Variants in KCNG3 observed in about 807,000 individuals in gnomAD.
The protein encoded by KCNG3 is voltage-gated potassium channel regulatory subunit KCNG3.
A neutral mutation model predicts 29.0 loss-of-function variants in KCNG3; 15 were observed. The observed-to-expected ratio is 0.52, with a 90% CI of 0.35 to 0.80. The LOEUF (loss-of-function observed/expected upper bound fraction) is 0.80, where lower values mean the gene tolerates loss of function less well. KCNG3 is among the 30% of genes least tolerant of loss of function. The pLI is 0.01. For synonymous variants in KCNG3, 322 were observed against 248.9 expected (o/e 1.29, Z -2.76); for missense variants, 512 against 605.7 (o/e 0.85, Z 1.62).
At chr2:42,408,287 T>G in the KCNG3 span, among the ~76,000 whole-genome samples, 1 of 152,258 alleles carries the variant, frequency 6.6e-6, no homozygotes. Flanking sequence ...ACATAGGGCC[T>G]GAAGGCTAGG....
intron 1 of KCNG3, among the ~76,000 whole-genome samples, chr2:42,451,804 G>A (rs1672761369): frequency 6.6e-6 from 1 of 151,914 alleles, no homozygotes; most frequent in African/African-American, 2.4e-5. Flanking sequence ...GGAAGCTGAG[G>A]TGGGAGGATC....
chr2:42,397,696 A>G, the KCNG3 span, among the ~76,000 whole-genome samples: 2 of 152,208 alleles, frequency 1.3e-5, no homozygotes, highest in Admixed American at 1.3e-4. Context: ...GCTTTGAAGA[A>G]TGGGACTGGG....
At chr2:42,408,731 G>C in the KCNG3 span, among the ~76,000 whole-genome samples, 1 of 152,148 alleles carries the variant, frequency 6.6e-6, no homozygotes, top group Non-Finnish European at 1.5e-5. Context: ...TGCAGCACAA[G>C]AACTCGGGAC....
chr2:42,414,065 T>C, the KCNG3 span, among the ~76,000 whole-genome samples: 1 of 152,242 alleles, frequency 6.6e-6, no homozygotes, highest in Non-Finnish European at 1.5e-5. Context: ...AATGTAATTA[T>C]CAGCTTGCCT....
chr2:42,452,133 G>C (rs2103674155), intron 1 of KCNG3, among the ~76,000 whole-genome samples: 1 of 150,246 alleles, frequency 6.7e-6, no homozygotes, highest in African/African-American at 2.4e-5. Context: ...TGGGTACGTA[G>C]TAGGTGTATA....
intron 1 of KCNG3, among the ~76,000 whole-genome samples, chr2:42,460,512 G>A (rs1410509185): frequency 6.6e-6 from 1 of 152,088 alleles, no homozygotes; most frequent in Non-Finnish European, 1.5e-5. Context: ...ATAGAATGTA[G>A]AAAGTAATAA....
chr2:42,393,208 T>A, the KCNG3 span, among the ~76,000 whole-genome samples: 1 of 151,724 alleles, frequency 6.6e-6, no homozygotes, highest in Non-Finnish European at 1.5e-5. Flanking sequence ...TAAGTGATTA[T>A]TATGATAAAA....
At chr2:42,440,438 T>C (rs1019198580), downstream of KCNG3, 3 of 151,852 alleles carry the variant, frequency 2.0e-5, no homozygotes, top group Non-Finnish European at 2.9e-5. Flanking sequence ...CCTGAGGCTT[T>C]AATATTTCAA....
rs572191957 is a variant in KCNG3 at position 42,443,678 on chromosome 2, G to T, written c.*256C>A. On this transcript the variant is annotated 3_prime_UTR_variant, in exon 2 of 2. Coordinates refer to ENST00000306078, the MANE Select transcript of KCNG3 (RefSeq NM_133329.6). ...TTTTTAAAAATGTGTAATCATTCAA[G>T]GAAACGGGAAAACAAGTCTAAATAA... 2.8e-6 allele frequency: 1 copy of T among 359,624 alleles called. No individual in the cohort carries two copies. The highest frequency in any genetic ancestry group is 4.2e-5 in the East Asian group (1 of 24,038). 22.3% of individuals were successfully genotyped at this position (359,624 alleles called of 1,614,324 possible).
At chr2:42,391,039 G>C in the KCNG3 span, among the ~76,000 whole-genome samples, 2 of 152,176 alleles carry the variant, frequency 1.3e-5, no homozygotes, top group African/African-American at 4.8e-5. Flanking sequence ...GGAATCTTCA[G>C]GAAGGACTCT....
At chr2:42,399,910 C>T in the KCNG3 span, among the ~76,000 whole-genome samples, 4 of 152,192 alleles carry the variant, frequency 2.6e-5, no homozygotes, top group Non-Finnish European at 4.4e-5. Context: ...CAACCTTCCA[C>T]TCTTTGAGTT....
At chr2:42,456,856 C>T (rs916232438) in intron 1 of KCNG3, among the ~76,000 whole-genome samples, 2 of 152,186 alleles carry the variant, frequency 1.3e-5, no homozygotes, top group African/African-American at 4.8e-5. Context: ...TGCACATCAA[C>T]AGCCACTTCA....
chr2:42,419,824 A>G, the KCNG3 span, among the ~76,000 whole-genome samples: 6 of 152,262 alleles, frequency 3.9e-5, no homozygotes, highest in Non-Finnish European at 8.8e-5. Context: ...ATCAGGGTTA[A>G]ATCGCAGAAC....
chr2:42,399,971 C>G, the KCNG3 span, among the ~76,000 whole-genome samples: 1 of 152,120 alleles, frequency 6.6e-6, no homozygotes, highest in Admixed American at 6.6e-5. Context: ...TGTGAGCAGG[C>G]TGGGTGCAGT....
chr2:42,449,203 T>A (rs1672684364), intron 1 of KCNG3, among the ~76,000 whole-genome samples: 1 of 152,208 alleles, frequency 6.6e-6, no homozygotes, highest in South Asian at 2.1e-4. Flanking sequence ...ACTGTCCTGG[T>A]TATTCGTAAG....
intron 1 of KCNG3, among the ~76,000 whole-genome samples, chr2:42,452,747 C>T (rs1377611446): frequency 6.7e-6 from 1 of 149,180 alleles, no homozygotes; most frequent in East Asian, 2.0e-4. Flanking sequence ...GTAAGTACCA[C>T]ATTTCCTTTA....
intron 1 of KCNG3, among the ~76,000 whole-genome samples, chr2:42,491,450 TAC>T (rs1673875216): frequency 6.6e-6 from 1 of 152,142 alleles, no homozygotes; most frequent in Admixed American, 6.5e-5. Flanking sequence ...CTTAGAATTC[TAC>T]AGTTACTGGA....
intron 1 of KCNG3, among the ~76,000 whole-genome samples, chr2:42,461,888 A>C (rs929557059): frequency 2.0e-5 from 3 of 152,232 alleles, no homozygotes; most frequent in Non-Finnish European, 4.4e-5. Context: ...TTTCTTTAAT[A>C]GTATATTACC....
chr2:42,457,330 GA>G (rs34377811), intron 1 of KCNG3, among the ~76,000 whole-genome samples: 1,608 of 135,824 alleles, frequency 0.012, 28 homozygotes, highest in African/African-American at 0.039. Flanking sequence ...GCAAAATACA[GA>G]AAAAAAAAAA....
Sources: gnomAD v4.1 joint callset for allele counts (sites outside exome capture counted in the v4.1 genomes callset) on GRCh38, gnomAD v4.1.1 for gene constraint, MANE v1.5 for transcripts, NCBI Gene and HGNC (gene_info 2026-07-23, HGNC 2026-07-21) for gene names.